Variants in PRKN observed in about 807,000 individuals in gnomAD.
PRKN encodes the protein parkin RBR E3 ubiquitin protein ligase.
Under a neutral mutation model 59.5 loss-of-function variants are expected in PRKN, and 56 were observed. The observed-to-expected ratio is 0.94, with a 90% CI of 0.76 to 1.18. The LOEUF (loss-of-function observed/expected upper bound fraction) is 1.18. Ranked by LOEUF, PRKN falls within the 50% of genes most tolerant of loss-of-function variation. The probability of loss-of-function intolerance (pLI) is 0.00; values close to 1 mark genes in which losing one functional copy is unlikely to be tolerated. For missense variants in PRKN, 657 were observed against 596.4 expected, an observed-to-expected ratio of 1.10 and a Z score of -1.06; for synonymous variants, 250 against 222.1, an observed-to-expected ratio of 1.13 and a Z score of -1.12.
In PRKN at chr6:162,056,343, C is replaced by T. The variant is rs1777866705; in HGVS notation, c.535-2169G>A. On this transcript the variant is annotated intron_variant, in intron 4 of 11. Coordinates refer to ENST00000366898, the MANE Select transcript of PRKN (RefSeq NM_004562.3). This position sits in a 1 kb window ranked among gnomAD's most constrained non-coding sequence, Gnocchi z 4.9. ...CACACACACACAATACCACACAGCA[C>T]ACAGGCATACACATACTACATACAC... Among the ~76,000 whole-genome samples, 1 of 151,852 alleles carries T rather than the reference C, an allele frequency of 6.6e-6. No individual in the cohort carries two copies. Among genetic ancestry groups the T allele is most frequent in the African/African-American group, 2.4e-5 (1 of 41,352 alleles).
At position 161,357,664 on chromosome 6, in the gene PRKN, A is replaced by T. The variant is rs1306158197; in HGVS notation, c.1285+2424T>A. ...GAGCTACTCACTATGACATGGTAAC[A>T]TCTTGTTTCCAGTCTTTTTCTTCTG... On this transcript the variant is annotated intron_variant, in intron 11 of 11. Coordinates refer to ENST00000366898, the MANE Select transcript of PRKN (RefSeq NM_004562.3). This position sits in a 1 kb window ranked among gnomAD's most constrained non-coding sequence, Gnocchi z 5.5. Among the ~76,000 whole-genome samples the T allele has an allele frequency of 6.6e-6, 1 of 152,220 alleles. No individual in the cohort carries two copies. The highest frequency in any genetic ancestry group is 2.4e-5 in the African/African-American group (1 of 41,458).
At chr6:162,014,402 G>A (rs1290490271) in intron 5 of PRKN, among the ~76,000 whole-genome samples, 1 of 152,150 alleles carries the variant, frequency 6.6e-6, no homozygotes, top group South Asian at 2.1e-4. Context: ...GCCCTCTTCA[G>A]GCGCCTCTGC....
chr6:162,101,078 T>C (rs1010797436), intron 4 of PRKN, among the ~76,000 whole-genome samples: 5 of 152,138 alleles, frequency 3.3e-5, no homozygotes, highest in African/African-American at 1.2e-4. Context: ...AGAAGTTCTT[T>C]AGTTTGATGC....
At chr6:161,895,613 C>A (rs1432670804) in intron 6 of PRKN, among the ~76,000 whole-genome samples, 5 of 120,718 alleles carry the variant, frequency 4.1e-5, no homozygotes, top group Non-Finnish European at 8.8e-5. Flanking sequence ...AGCACGCCCA[C>A]CCCACCTGCT....
At chr6:161,890,460 G>A (rs1795300977) in intron 6 of PRKN, among the ~76,000 whole-genome samples, 1 of 152,174 alleles carries the variant, frequency 6.6e-6, no homozygotes, top group South Asian at 2.1e-4. Flanking sequence ...AGAGCAAAAG[G>A]ATGTAGTCAT....
chr6:161,350,266 C>T, intron 11 of PRKN, 55 bp from the exon 12 acceptor site: 1 of 1,207,608 alleles, frequency 8.3e-7, no homozygotes, highest in East Asian at 2.5e-5. Flanking sequence ...ACCTGGAAAA[C>T]ACGCATTCCC....
intron 1 of PRKN, among the ~76,000 whole-genome samples, chr6:162,600,619 T>C (rs1402669613): frequency 6.6e-6 from 1 of 152,124 alleles, no homozygotes; most frequent in African/African-American, 2.4e-5. Flanking sequence ...ATCCCCAATT[T>C]TGGAAGTGGG....
At chr6:162,425,474 T>C (rs2128160769) in intron 2 of PRKN, among the ~76,000 whole-genome samples, 1 of 152,302 alleles carries the variant, frequency 6.6e-6, no homozygotes, top group Non-Finnish European at 1.5e-5. Flanking sequence ...ATTTTTCAAA[T>C]GATTAAAGAC....
intron 4 of PRKN, among the ~76,000 whole-genome samples, chr6:162,184,512 GC>G (rs1783938517): frequency 6.6e-6 from 1 of 152,122 alleles, no homozygotes; most frequent in South Asian, 2.1e-4. Context: ...TTTATAAGGG[GC>G]TTCTCCCTTC....
At chr6:162,349,648 A>G (rs1784543030) in intron 2 of PRKN, among the ~76,000 whole-genome samples, 1 of 152,222 alleles carries the variant, frequency 6.6e-6, no homozygotes, top group African/African-American at 2.4e-5. Context: ...CAAGTAGAGT[A>G]CATTCCAATA....
chr6:161,892,260 C>T (rs1174368698), intron 6 of PRKN, among the ~76,000 whole-genome samples: 1 of 151,738 alleles, frequency 6.6e-6, no homozygotes, highest in Non-Finnish European at 1.5e-5. Flanking sequence ...TGTGGTAAAA[C>T]CCTGCCTCTA....
chr6:162,235,961 GAAAGAAAGA>G, intron 3 of PRKN, among the ~76,000 whole-genome samples: 1 of 54,356 alleles, frequency 1.8e-5, no homozygotes, highest in Non-Finnish European at 3.5e-5. Context: ...AAGAAAGGAA[GAAAGAAAGA>G]AAGAAAGAAA....
chr6:161,389,681 A>G, intron 9 of PRKN, among the ~76,000 whole-genome samples: 1 of 152,212 alleles, frequency 6.6e-6, no homozygotes, highest in Non-Finnish European at 1.5e-5. Flanking sequence ...TTGTTGGAAA[A>G]ATGTGGACGG....
intron 7 of PRKN, among the ~76,000 whole-genome samples, chr6:161,606,827 T>C (rs149835242): frequency 1.2e-3 from 186 of 152,326 alleles, no homozygotes; most frequent in African/African-American, 3.8e-3. Flanking sequence ...AGCAGTAAGA[T>C]GACAGCATCC....
intron 3 of PRKN, among the ~76,000 whole-genome samples, chr6:162,253,304 T>TAATCC (rs1294321038): frequency 6.6e-6 from 1 of 152,056 alleles, no homozygotes; most frequent in East Asian, 1.9e-4. Flanking sequence ...TAATCTAATC[T>TAATCC]AATCTAATCT....
intron 2 of PRKN, among the ~76,000 whole-genome samples, chr6:162,322,518 A>C (rs1041399056): frequency 6.6e-6 from 1 of 152,138 alleles, no homozygotes; most frequent in African/African-American, 2.4e-5. Flanking sequence ...TAAAAGACTA[A>C]CACCATCTGA....
chr6:161,824,782 A>T (rs1792173020), intron 6 of PRKN, among the ~76,000 whole-genome samples: 2 of 152,242 alleles, frequency 1.3e-5, no homozygotes, highest in Admixed American at 1.3e-4. Flanking sequence ...ATTGAAAAAA[A>T]GATTTAAATG....
intron 5 of PRKN, among the ~76,000 whole-genome samples, chr6:162,026,229 G>A (rs192888079): frequency 2.6e-3 from 401 of 152,220 alleles, no homozygotes; most frequent in Non-Finnish European, 4.6e-3. Context: ...ATATGTATTC[G>A]CGTATTCATA....
chr6:162,690,914 T>TTTTAAATGC (rs1384426795), intron 1 of PRKN, among the ~76,000 whole-genome samples: 17 of 152,156 alleles, frequency 1.1e-4, no homozygotes, highest in African/African-American at 3.9e-4. Flanking sequence ...GATTCTATAA[T>TTTTAAATGC]TACAGTGACC....
Sources: gnomAD v4.1 joint callset for allele counts (sites outside exome capture counted in the v4.1 genomes callset) on GRCh38, gnomAD v4.1.1 for gene constraint, Gnocchi (gnomAD v3.1) non-coding constraint, MANE v1.5 for transcripts, NCBI Gene and HGNC (gene_info 2026-07-23, HGNC 2026-07-21) for gene names.